The following ANKRD36 variants were observed in gnomAD, a reference collection of about 807,000 sequenced individuals.
ANKRD36 encodes ankyrin repeat domain 36.
In ANKRD36, 179 loss-of-function variants were observed where a neutral mutation model predicts 278.1. The observed-to-expected ratio is 0.64, with a 90% confidence interval of 0.57 to 0.73. ANKRD36 has a LOEUF of 0.73. Among genes scored for constraint, ANKRD36 ranks in the 30% least tolerant of loss-of-function variants. The pLI, the probability that ANKRD36 is intolerant of heterozygous loss-of-function variation, is 0.00. For synonymous variants in ANKRD36, 320 were observed against 641.1 expected (o/e 0.50, Z 7.57); for missense variants, 1,159 against 1,956.7 (o/e 0.59, Z 7.69).
At chr2:97,192,521 T>C (rs373779463) in intron 36 of ANKRD36, among the ~76,000 whole-genome samples, 183 of 151,890 alleles carry the variant, frequency 1.2e-3, no homozygotes, top group African/African-American at 4.3e-3. Flanking sequence ...GCTTTGACAT[T>C]CATTCTCAGG....
chr2:97,208,591 T>G (rs1162730715), intron 54 of ANKRD36, among the ~76,000 whole-genome samples: 2 of 146,330 alleles, frequency 1.4e-5, no homozygotes, highest in Non-Finnish European at 3.0e-5. Context: ...TGCTTTTAGC[T>G]GCTCCAGGAA....
chr2:97,115,781 C>G (rs1274704290), intron 1 of ANKRD36, among the ~76,000 whole-genome samples: 1 of 151,138 alleles, frequency 6.6e-6, no homozygotes, highest in Non-Finnish European at 1.5e-5. Flanking sequence ...TGCCCTTCAC[C>G]CATCAATTCC....
rs749158599 is a variant in ANKRD36, at chr2:97,152,298, GATT to G, written c.1163-194_1163-192del. On this transcript the variant is annotated intron_variant, in intron 13 of 75. Coordinates refer to ENST00000420699, the MANE Select transcript of ANKRD36 (RefSeq NM_001354587.1). Reference sequence around the variant, plus strand: ...ATGACCCACCACACCAGGCCTTGTTGATTATTATTATTATGTTTATAAGGATAG... The same window carrying G: ...ATGACCCACCACACCAGGCCTTGTTGATTATTATTATGTTTATAAGGATAG... 4.8e-5 allele frequency among the ~76,000 whole-genome samples: 7 copies of G among 146,638 alleles called. 1 individual carries two copies. Among genetic ancestry groups the G allele is most frequent in the Non-Finnish European group, 9.3e-5 (6 of 64,826 alleles).
chr2:97,181,113 T>C (rs11164114), intron 24 of ANKRD36, among the ~76,000 whole-genome samples: 130,027 of 151,586 alleles, frequency 0.86, 57,331 homozygotes, highest in African/African-American at 0.95. Flanking sequence ...ACTGAAGAGA[T>C]GTGAAGAGAA....
chr2:97,196,189 A>G (rs2059705951), intron 40 of ANKRD36, among the ~76,000 whole-genome samples: 1 of 151,982 alleles, frequency 6.6e-6, no homozygotes, highest in Non-Finnish European at 1.5e-5. Context: ...TTTGTAGTAT[A>G]AAGGTGTAAA....
chr2:97,210,607 T>C (rs1370366817), intron 56 of ANKRD36, among the ~76,000 whole-genome samples: 1 of 151,794 alleles, frequency 6.6e-6, no homozygotes, highest in Non-Finnish European at 1.5e-5. Context: ...ATGAATAAAT[T>C]TCCTTCCTTG....
chr2:97,176,283 A>T (rs1430471572), intron 22 of ANKRD36, among the ~76,000 whole-genome samples: 7 of 149,440 alleles, frequency 4.7e-5, no homozygotes, highest in Admixed American at 2.0e-4. Flanking sequence ...GTCACTCAGG[A>T]CTTGCTTTAT....
intron 6 of ANKRD36, among the ~76,000 whole-genome samples, chr2:97,142,273 T>C (rs1388151817): frequency 6.6e-6 from 1 of 152,254 alleles, no homozygotes; most frequent in African/African-American, 2.4e-5. Context: ...TAAAGACATG[T>C]GACAGCATGT....
chr2:97,123,723 T>C (rs2153415541), intron 4 of ANKRD36, among the ~76,000 whole-genome samples: 1 of 143,842 alleles, frequency 7.0e-6, no homozygotes, highest in South Asian at 2.2e-4. Flanking sequence ...ATATTATATA[T>C]ACACACATAT....
In ANKRD36 at chr2:97,211,432, A is replaced by T. The variant is rs1351620668; in HGVS notation, c.3368-114A>T. On this transcript the variant is annotated intron_variant, in intron 56 of 75. Coordinates refer to ENST00000420699, the MANE Select transcript of ANKRD36 (RefSeq NM_001354587.1). The stretch of plus-strand genomic sequence containing the variant: ...CCCAGACACAAAGTAGAAGCCGTCA[A>T]GGCCTACACTAATACAGGCTGGGGG... 3.4e-6 allele frequency: 5 copies of T among 1,478,526 alleles called. No individual in the cohort carries two copies. The African/African-American group carries it at 7.1e-5, about 21-fold the overall frequency. 91.6% of individuals were successfully genotyped at this position (1,478,526 alleles called of 1,614,324 possible).
At chr2:97,154,831 C>G (rs2047059802) in intron 15 of ANKRD36, 90 bp downstream of exon 15, 2 of 1,109,940 alleles carry the variant, frequency 1.8e-6, no homozygotes, top group Non-Finnish European at 1.3e-6. Context: ...TAGCAATTGT[C>G]TACCTATCAT....
intron 66 of ANKRD36, among the ~76,000 whole-genome samples, chr2:97,220,761 C>CT (rs60699692): frequency 2.9e-3 from 202 of 70,554 alleles, no homozygotes; most frequent in African/African-American, 0.012. Context: ...TTTTAATTTT[C>CT]TTTTTTTTTT....
At chr2:97,154,609 T>C (rs2046997721) in intron 14 of ANKRD36, 66 bp from the exon 15 acceptor site, 1 of 1,342,080 alleles carries the variant, frequency 7.5e-7, no homozygotes. Context: ...ATGTATAGAC[T>C]GACGGTTTTT....
rs1447640273 is a variant in ANKRD36 at position 97,185,176 on chromosome 2, G to T, written c.1940-140G>T. ...TTTTTTTCAGTGTATTTCTGGTCAT[G>T]TTCCAGTCCCCAGACACAAAAATCA... On this transcript the variant is annotated intron_variant, in intron 28 of 75. Transcript: ENST00000420699. The T allele has an allele frequency of 6.7e-6, 8 of 1,202,786 alleles. No homozygotes were observed. In the African/African-American group the frequency reaches 1.1e-4, roughly 16 times the overall value. 74.5% of individuals were successfully genotyped at this position (1,202,786 alleles called of 1,614,324 possible).
In ANKRD36 at chr2:97,224,840, G is replaced by A. The variant is rs1336923772; in HGVS notation, c.3912G>A (p.Glu1304=). 7.3e-7 allele frequency: 1 copy of A among 1,362,268 alleles called. No homozygotes were observed. The highest frequency in any genetic ancestry group is 9.6e-7 in the Non-Finnish European group (1 of 1,045,088). 84.4% of individuals were successfully genotyped at this position (1,362,268 alleles called of 1,614,324 possible). A position where few individuals can be genotyped will look rare whatever the true frequency, so the allele number is the denominator to read the frequency against. Residue 1304 remains glutamate (E), a synonymous_variant, in exon 67 of 76, where the codon GAG becomes GAA. Coordinates refer to ENST00000420699, the MANE Select transcript of ANKRD36 (RefSeq NM_001354587.1). ...ACTTAGAAATGGCATCAGAGGGAGAGCAAAAGAGGCTTGAAGAATATGAAA... is the reference window on the plus strand; with the variant it reads ...ACTTAGAAATGGCATCAGAGGGAGAACAAAAGAGGCTTGAAGAATATGAAA... ...EQDLEMASEG[E]QKRLEEYENN... is the part of the protein sequence containing the mutation.
Position 97,178,655 on chromosome 2 carries a change from A to G in ANKRD36, c.1634-1083A>G, listed in dbSNP as rs2055118430. 4.7e-5 allele frequency among the ~76,000 whole-genome samples: 6 copies of G among 127,910 alleles called. No homozygotes were observed. In the Admixed American group the frequency reaches 5.0e-4, roughly 11 times the overall value. 83.9% of individuals were successfully genotyped at this position (127,910 alleles called of 152,430 possible). On this transcript the variant is annotated intron_variant, in intron 22 of 75. Coordinates refer to ENST00000420699, the MANE Select transcript of ANKRD36 (RefSeq NM_001354587.1). The stretch of plus-strand genomic sequence containing the variant: ...AGATCACATGGACACAGGAAGGGGA[A>G]TATCACACTCTGGGGACTTTTGTGG...
rs199577048 is a variant in ANKRD36, at chr2:97,243,247, C to T, written c.4308-599C>T. Among the ~76,000 whole-genome samples the T allele has an allele frequency of 3.9e-3, 578 of 147,070 alleles. 46 individuals carry two copies. In the East Asian group the frequency reaches 0.059, roughly 15 times the overall value. On this transcript the variant is annotated intron_variant, in intron 69 of 75. Transcript: ENST00000420699. ...AGCAATCAAATACATGTAAGAAATA[C>T]ATTGGTTTGGTTCAGAAAGGCAGGC...
At chr2:97,230,789 G>A (rs2071706706) in intron 67 of ANKRD36, among the ~76,000 whole-genome samples, 1 of 152,044 alleles carries the variant, frequency 6.6e-6, no homozygotes, top group African/African-American at 2.4e-5. Context: ...TTTGGTCTTT[G>A]ATGATGGTGA....
At chr2:97,242,248 C>T (rs1214624679) in intron 69 of ANKRD36, among the ~76,000 whole-genome samples, 1 of 151,092 alleles carries the variant, frequency 6.6e-6, no homozygotes, top group Admixed American at 6.6e-5. Flanking sequence ...AGAGATTGCA[C>T]CAGTGCACTC....
Sources: allele counts gnomAD v4.1 joint callset (sites outside exome capture counted in the v4.1 genomes callset), GRCh38; gene constraint gnomAD v4.1.1; transcripts MANE v1.5; gene names NCBI Gene and HGNC (gene_info 2026-07-23, HGNC 2026-07-21).